The following GRIK2 variants were observed in gnomAD, a reference collection of about 807,000 sequenced individuals.
GRIK2 encodes the protein glutamate ionotropic receptor kainate type subunit 2, also known as glutamate receptor ionotropic, kainate 2.
GRIK2 carries 32 observed loss-of-function variants against 100.3 expected under a neutral mutation model. The observed-to-expected ratio is 0.32, with a 90% confidence interval of 0.24 to 0.43. The LOEUF (loss-of-function observed/expected upper bound fraction) is 0.43, where lower values mean the gene tolerates loss of function less well. Among genes scored for constraint, GRIK2 ranks in the 20% least tolerant of loss-of-function variants. The pLI, the probability that GRIK2 is intolerant of heterozygous loss-of-function variation, is 1.00. For missense variants in GRIK2, 843 were observed against 1,114.9 expected, an observed-to-expected ratio of 0.76 and a Z score of 3.47; for synonymous variants, 417 against 389.4, an observed-to-expected ratio of 1.07 and a Z score of -0.83.
chr6:101,478,215 G>C lies in GRIK2; in HGVS notation c.115+78823G>C, dbSNP rs185073740. ...CATGATTAGGTTTTTTTGAGTCCTT[G>C]AAAATTATTAGGTACTTCAAAAATC... is the stretch of plus-strand genomic sequence containing the variant. On this transcript the variant is annotated intron_variant, in intron 2 of 16. Transcript: ENST00000369134. Among the ~76,000 whole-genome samples the C allele has an allele frequency of 1.4e-4, 21 of 152,116 alleles. 2 individuals carry two copies. Among genetic ancestry groups the C allele is most frequent in the Admixed American group, 1.4e-3 (21 of 15,266 alleles).
intron 14 of GRIK2, among the ~76,000 whole-genome samples, chr6:101,931,248 A>G (rs1013257834): frequency 2.0e-5 from 3 of 152,216 alleles, no homozygotes; most frequent in African/African-American, 7.2e-5. Flanking sequence ...GAAACTGTAC[A>G]GTGAACCAGA....
At chr6:101,978,531 T>G (rs1793533665) in intron 14 of GRIK2, among the ~76,000 whole-genome samples, 1 of 151,964 alleles carries the variant, frequency 6.6e-6, no homozygotes, top group African/African-American at 2.4e-5. Context: ...CATTACTCAC[T>G]TTGTAATCAT....
At position 101,450,484 on chromosome 6, in the gene GRIK2, G is replaced by A. The variant is rs77330976; in HGVS notation, c.115+51092G>A. Among the ~76,000 whole-genome samples the A allele has an allele frequency of 9.7e-3, 1,467 of 151,738 alleles. 10 individuals carry two copies. The highest frequency in any genetic ancestry group is 0.031 in the African/African-American group (1,270 of 41,478). ...TTGGAAGTCTCAAGACCTCCTCAAG[G>A]ATGTGATTCTGTACCAGGGACAATT... On this transcript the variant is annotated intron_variant, in intron 2 of 16. Transcript: ENST00000369134.
At chr6:101,564,309 C>G (rs979541265) in intron 2 of GRIK2, among the ~76,000 whole-genome samples, 1 of 152,216 alleles carries the variant, frequency 6.6e-6, no homozygotes, top group Non-Finnish European at 1.5e-5. Context: ...GTGAGGCTCT[C>G]TCTTTGAACA....
intron 14 of GRIK2, among the ~76,000 whole-genome samples, chr6:101,971,091 A>G (rs1008892012): frequency 1.3e-5 from 2 of 150,866 alleles, no homozygotes; most frequent in Non-Finnish European, 2.9e-5. Flanking sequence ...AATTTTAGAA[A>G]AAGTTGTGAA....
chr6:101,521,618 A>G (rs1774887242), intron 2 of GRIK2, among the ~76,000 whole-genome samples: 1 of 151,892 alleles, frequency 6.6e-6, no homozygotes, highest in African/African-American at 2.4e-5. Context: ...TGAATAGCGT[A>G]AAATTTTTTT....
At chr6:101,804,756 A>G (rs1780881906) in intron 9 of GRIK2, among the ~76,000 whole-genome samples, 1 of 152,034 alleles carries the variant, frequency 6.6e-6, no homozygotes, top group Admixed American at 6.6e-5. Flanking sequence ...GAAAGGGAGC[A>G]AAAAGTTCAC....
chr6:101,602,131 C>T (rs1351156340), intron 2 of GRIK2, among the ~76,000 whole-genome samples: 3 of 151,604 alleles, frequency 2.0e-5, no homozygotes, highest in Non-Finnish European at 4.4e-5. Flanking sequence ...TATCTCTTTT[C>T]ATTTATTTCA....
chr6:101,437,343 A>G (rs965155606), intron 2 of GRIK2, among the ~76,000 whole-genome samples: 1 of 152,090 alleles, frequency 6.6e-6, no homozygotes, highest in African/African-American at 2.4e-5. Flanking sequence ...TTTATTGATA[A>G]TGGTCTAGCT....
chr6:101,696,513 T>C (rs1269547581), intron 7 of GRIK2, among the ~76,000 whole-genome samples: 1 of 151,970 alleles, frequency 6.6e-6, no homozygotes, highest in Non-Finnish European at 1.5e-5. Context: ...TTAAGGATGT[T>C]AGGATGTATA....
intron 7 of GRIK2, among the ~76,000 whole-genome samples, chr6:101,768,163 T>C (rs991160700): frequency 7.9e-5 from 12 of 152,204 alleles, no homozygotes; most frequent in African/African-American, 2.7e-4. Context: ...TCACCCTGTA[T>C]AATTTTAATA....
At chr6:101,735,351 T>C (rs1775564249) in intron 7 of GRIK2, among the ~76,000 whole-genome samples, 1 of 152,202 alleles carries the variant, frequency 6.6e-6, no homozygotes, top group Admixed American at 6.5e-5. Context: ...ATACAATATC[T>C]CAGAAATAAC....
chr6:101,918,377 G>A (rs573216820), intron 12 of GRIK2, among the ~76,000 whole-genome samples: 1 of 151,676 alleles, frequency 6.6e-6, no homozygotes, highest in African/African-American at 2.4e-5. Context: ...TTGTAATGTA[G>A]TTTGCCTGTG....
At chr6:101,626,041 TCCCTCATTC>T (rs1173767462) in intron 3 of GRIK2, among the ~76,000 whole-genome samples, 1 of 152,078 alleles carries the variant, frequency 6.6e-6, no homozygotes, top group Non-Finnish European at 1.5e-5. Flanking sequence ...GCTGCACTAT[TCCCTCATTC>T]CCCTCATATA....
intron 10 of GRIK2, among the ~76,000 whole-genome samples, chr6:101,836,689 A>C (rs1335466333): frequency 2.9e-5 from 2 of 68,454 alleles, no homozygotes; most frequent in African/African-American, 8.5e-5. Flanking sequence ...TTTTTGAGAC[A>C]GAGTCTCACT....
At chr6:101,636,755 G>T (rs766723961) in intron 4 of GRIK2, among the ~76,000 whole-genome samples, 7 of 151,288 alleles carry the variant, frequency 4.6e-5, no homozygotes, top group South Asian at 2.1e-4. Context: ...TTGCATTTTG[G>T]GGGGGCGGGG....
chr6:101,731,551 A>G (rs1326198999), intron 7 of GRIK2, among the ~76,000 whole-genome samples: 1 of 152,036 alleles, frequency 6.6e-6, no homozygotes, highest in African/African-American at 2.4e-5. Flanking sequence ...TACCATACCT[A>G]TTATATAAGG....
chr6:101,655,091 A>C (rs2128330470), intron 4 of GRIK2, among the ~76,000 whole-genome samples: 1 of 152,272 alleles, frequency 6.6e-6, no homozygotes, highest in African/African-American at 2.4e-5. Flanking sequence ...AAAAGTTAAC[A>C]ATTTTCCACA....
At chr6:101,836,659 ATATTTTT>A (rs1783128036) in intron 10 of GRIK2, among the ~76,000 whole-genome samples, 1 of 60,214 alleles carries the variant, frequency 1.7e-5, no homozygotes, top group South Asian at 6.5e-4. Context: ...ATATATATAT[ATATTTTT>A]TTTTTTTTTT....
Sources: gnomAD v4.1 joint callset for allele counts (sites outside exome capture counted in the v4.1 genomes callset) on GRCh38, gnomAD v4.1.1 for gene constraint, MANE v1.5 for transcripts, NCBI Gene and HGNC (gene_info 2026-07-23, HGNC 2026-07-21) for gene names.